The following RAPH1 variants were observed in gnomAD, a reference collection of about 807,000 sequenced individuals.
The protein encoded by RAPH1 is Ras association (RalGDS/AF-6) and pleckstrin homology domains 1.
In RAPH1, 18 loss-of-function variants were observed where a neutral mutation model predicts 88.1. That is an observed-to-expected ratio of 0.20 (90% confidence interval 0.14 to 0.30). The LOEUF is 0.30. Among genes scored for constraint, RAPH1 ranks in the 10% least tolerant of loss-of-function variants. The pLI is 1.00. For synonymous variants in RAPH1, 587 were observed against 559.0 expected, an observed-to-expected ratio of 1.05 and a Z score of -0.71; for missense variants, 1,448 against 1,543.2, an observed-to-expected ratio of 0.94 and a Z score of 1.03.
chr2:203,463,612 G>A (rs1318230589), intron 4 of RAPH1, among the ~76,000 whole-genome samples: 3 of 152,114 alleles, frequency 2.0e-5, no homozygotes, highest in African/African-American at 4.8e-5. Flanking sequence ...AATAACCAGG[G>A]TCTGGAAATA....
rs1208289777 is a variant in RAPH1, at chr2:203,495,190, A to G, written c.120+44T>C. 3.1e-6 allele frequency: 5 copies of G among 1,610,876 alleles called. No individual in the cohort carries two copies. The South Asian group carries it at 3.3e-5, about 11-fold the overall frequency. On this transcript the variant is annotated intron_variant, in intron 2 of 13. Transcript: ENST00000319170. Reference sequence around the variant, plus strand: ...TTCTGCACATTAAACTTTTAACACAATGGTGACTTCAAATCCTCAACCAGT... The same window carrying G: ...TTCTGCACATTAAACTTTTAACACAGTGGTGACTTCAAATCCTCAACCAGT...
At chr2:203,518,764 T>C (rs914422383) in intron 1 of RAPH1, among the ~76,000 whole-genome samples, 5 of 151,892 alleles carry the variant, frequency 3.3e-5, no homozygotes, top group Admixed American at 3.3e-4. Context: ...AGGAGGATCA[T>C]TTGAGCCCAG....
At position 203,437,163 on chromosome 2, in the gene RAPH1, G is replaced by T. The variant is rs959513676; in HGVS notation, c.*2274C>A. On this transcript the variant is annotated 3_prime_UTR_variant, in exon 14 of 14. Transcript: ENST00000319170. ...GATTGATACAAGCAAGAAATTCCAA[G>T]AAATCCTGCACTGAAAACATAAAGG... 3.9e-5 allele frequency: 6 copies of T among 152,158 alleles called. No homozygotes were observed. The highest frequency in any genetic ancestry group is 4.4e-5 in the Non-Finnish European group (3 of 68,018). 9.4% of individuals were successfully genotyped at this position (152,158 alleles called of 1,614,324 possible).
At chr2:203,534,193 A>T (rs1249603792) in intron 1 of RAPH1, among the ~76,000 whole-genome samples, 4 of 152,206 alleles carry the variant, frequency 2.6e-5, no homozygotes, top group African/African-American at 4.8e-5. Flanking sequence ...TCCCTGAGAA[A>T]TGCTGCAGAC....
At chr2:203,477,693 T>G (rs549778549) in intron 4 of RAPH1, among the ~76,000 whole-genome samples, 1 of 152,204 alleles carries the variant, frequency 6.6e-6, no homozygotes. Context: ...GAATTCTAGA[T>G]GAATAATGTG....
rs369267717 is a variant in RAPH1, at chr2:203,434,566, CAAAA to C, written c.*4867_*4870del. On this transcript the variant is annotated 3_prime_UTR_variant, in exon 14 of 14. Transcript: ENST00000319170. ...CTAGAAGGGGTTATTTTACAAGTAG[CAAAA>C]AAAAAAAAAAAAGTAGGAGGTGGGG... 57 of 102,652 alleles carry C rather than the reference CAAAA, an allele frequency of 5.6e-4. No individual in the cohort carries two copies. Among genetic ancestry groups the C allele is most frequent in the Non-Finnish European group, 3.5e-4 (15 of 42,744 alleles). 6.4% of individuals were successfully genotyped at this position (102,652 alleles called of 1,614,324 possible). A position where few individuals can be genotyped will look rare whatever the true frequency, so the allele number is the denominator to read the frequency against.
chr2:203,448,667 G>C lies in RAPH1; in HGVS notation c.1512+71C>G, dbSNP rs898121757. ...TGAACATGAAATAGTCAGAATAGTT[G>C]TCATGAAAACGAAAACTATATCATC... On this transcript the variant is annotated intron_variant, in intron 11 of 13. Coordinates refer to ENST00000319170, the MANE Select transcript of RAPH1 (RefSeq NM_213589.3). This position sits in a 1 kb window ranked among gnomAD's most constrained non-coding sequence, Gnocchi z 4.1. 6 of 1,037,442 alleles carry C rather than the reference G, an allele frequency of 5.8e-6. No homozygotes were observed. The Admixed American group carries it at 6.9e-5, about 12-fold the overall frequency. The allele number at this position is 1,037,442 out of a possible 1,614,324, so 64.3% of individuals were successfully genotyped here. A position where few individuals can be genotyped will look rare whatever the true frequency, so the allele number is the denominator to read the frequency against.
chr2:203,478,684 T>C (rs1230780207), intron 4 of RAPH1, among the ~76,000 whole-genome samples: 1 of 152,078 alleles, frequency 6.6e-6, no homozygotes, highest in African/African-American at 2.4e-5. Context: ...GGATGGGATG[T>C]CACCATGATG....
At position 203,528,201 on chromosome 2, in the gene RAPH1, T is replaced by C. The variant is rs542510175; in HGVS notation, c.-1+6910A>G. Among the ~76,000 whole-genome samples, 7 of 152,270 alleles carry C rather than the reference T, an allele frequency of 4.6e-5. No homozygotes were observed. In the South Asian group the frequency reaches 1.5e-3, roughly 32 times the overall value. On this transcript the variant is annotated intron_variant, in intron 1 of 13. Transcript: ENST00000319170. Reference sequence around the variant, plus strand: ...AACAGAAACATGGTTAATGCATCTGTACCTTAAAGGTAAATGAGACATTTT... The same window carrying C: ...AACAGAAACATGGTTAATGCATCTGCACCTTAAAGGTAAATGAGACATTTT...
At chr2:203,505,042 A>G (rs533581196) in intron 1 of RAPH1, among the ~76,000 whole-genome samples, 51 of 152,238 alleles carry the variant, frequency 3.4e-4, no homozygotes, top group Middle Eastern at 3.4e-3. Context: ...AGACAGTTTC[A>G]CACTTTCCTA....
intron 1 of RAPH1, among the ~76,000 whole-genome samples, chr2:203,513,892 T>C (rs2105935252): frequency 6.6e-6 from 1 of 151,270 alleles, no homozygotes; most frequent in East Asian, 2.0e-4. Flanking sequence ...TCGCCCAGGC[T>C]GGAGTGCAGT....
At chr2:203,496,382 G>A (rs930916831) in intron 1 of RAPH1, among the ~76,000 whole-genome samples, 4 of 119,182 alleles carry the variant, frequency 3.4e-5, no homozygotes, top group African/African-American at 9.8e-5. Context: ...ATAAAATAGT[G>A]TGATATCTGA....
In RAPH1 at chr2:203,491,209, C is replaced by A; in HGVS notation, c.226+5G>T. 1 of 1,582,966 alleles carries A rather than the reference C, an allele frequency of 6.3e-7. No homozygotes were observed. Among genetic ancestry groups the A allele is most frequent in the Non-Finnish European group, 8.7e-7 (1 of 1,152,486 alleles). On this transcript the variant is annotated splice_donor_5th_base_variant and intron_variant, in intron 3 of 13. Coordinates refer to ENST00000319170, the MANE Select transcript of RAPH1 (RefSeq NM_213589.3). ...TTTTACATTTTATTTCCAATTACATCTTACCATTCAAGTTGTATATGGAGA... is the reference window on the plus strand; with the variant it reads ...TTTTACATTTTATTTCCAATTACATATTACCATTCAAGTTGTATATGGAGA...
At chr2:203,525,596 C>T (rs1690078425) in intron 1 of RAPH1, among the ~76,000 whole-genome samples, 1 of 151,898 alleles carries the variant, frequency 6.6e-6, no homozygotes, top group Admixed American at 6.6e-5. Flanking sequence ...TGGTAAAACC[C>T]CATCTCTACT....
chr2:203,447,221 T>C (rs2098510744), intron 12 of RAPH1: 5 of 146,180 alleles, frequency 3.4e-5, no homozygotes, highest in Admixed American at 7.1e-5. Context: ...TTAGAAACCA[T>C]GATCTATTTA....
rs35194583 is a variant in RAPH1 at position 203,513,351 on chromosome 2, C to CTTTT, written c.1-18002_1-17999dup. On this transcript the variant is annotated intron_variant, in intron 1 of 13. Coordinates refer to ENST00000319170, the MANE Select transcript of RAPH1 (RefSeq NM_213589.3). ...CTATTTATCAGTCTTTTCTCTCAAT[C>CTTTT]TTTTTTTTTTTTTTTTTTTTTGAGA... Among the ~76,000 whole-genome samples the CTTTT allele has an allele frequency of 2.5e-3, 218 of 86,910 alleles. 8 individuals carry two copies. Among genetic ancestry groups the CTTTT allele is most frequent in the African/African-American group, 8.2e-3 (170 of 20,692 alleles). The allele number at this position is 86,910 out of a possible 152,430, so 57.0% of individuals were successfully genotyped here.
intron 1 of RAPH1, among the ~76,000 whole-genome samples, chr2:203,515,313 G>A (rs531753291): frequency 2.0e-5 from 3 of 152,120 alleles, no homozygotes; most frequent in East Asian, 1.9e-4. Flanking sequence ...TCTGTTTGAC[G>A]GTATACTGTG....
At chr2:203,521,056 T>C (rs1436626900) in intron 1 of RAPH1, among the ~76,000 whole-genome samples, 1 of 151,848 alleles carries the variant, frequency 6.6e-6, no homozygotes, top group African/African-American at 2.4e-5. Flanking sequence ...GGTTTTGGGG[T>C]TTTTGTTTTG....
chr2:203,484,933 G>A (rs1289956135), intron 4 of RAPH1, among the ~76,000 whole-genome samples: 1 of 152,136 alleles, frequency 6.6e-6, no homozygotes, highest in Non-Finnish European at 1.5e-5. Flanking sequence ...CTCACCACAG[G>A]CCCTTTTTGG....
Sources: gnomAD v4.1 joint callset for allele counts (sites outside exome capture counted in the v4.1 genomes callset) on GRCh38, gnomAD v4.1.1 for gene constraint, Gnocchi (gnomAD v3.1) non-coding constraint, MANE v1.5 for transcripts, NCBI Gene and HGNC (gene_info 2026-07-23, HGNC 2026-07-21) for gene names.